Variants in AK5 observed in about 807,000 individuals in gnomAD.
AK5 encodes the protein adenylate kinase isoenzyme 5.
A neutral mutation model predicts 69.5 loss-of-function variants in AK5; 27 were observed. That is an observed-to-expected ratio of 0.39 (90% CI 0.29 to 0.54). AK5 has a LOEUF of 0.54. Ranked by LOEUF, AK5 falls within the 20% of genes least tolerant of loss-of-function variation. AK5 has a pLI of 0.71. For missense variants in AK5, 531 were observed against 700.4 expected (o/e 0.76, Z 2.73); for synonymous variants, 260 against 244.4 (o/e 1.06, Z -0.60).
At chr1:77,393,533 G>A (rs1648625182) in intron 6 of AK5, among the ~76,000 whole-genome samples, 1 of 152,172 alleles carries the variant, frequency 6.6e-6, no homozygotes. Context: ...AGAAAGATAT[G>A]TAAGTCATTT....
At chr1:77,391,566 G>A (rs1648490677) in intron 6 of AK5, among the ~76,000 whole-genome samples, 1 of 144,048 alleles carries the variant, frequency 6.9e-6, no homozygotes, top group African/African-American at 2.6e-5. Context: ...TCCATCCCAA[G>A]TGTTCAATTA....
intron 6 of AK5, among the ~76,000 whole-genome samples, chr1:77,345,194 A>G (rs1661853014): frequency 6.6e-6 from 1 of 152,206 alleles, no homozygotes; most frequent in African/African-American, 2.4e-5. Flanking sequence ...TAGACTGTGA[A>G]GTAAACAAAT....
At position 77,473,790 on chromosome 1, in the gene AK5, G is replaced by A. The variant is rs1654668374; in HGVS notation, c.1060-9527G>A. On this transcript the variant is annotated intron_variant, in intron 8 of 13. Coordinates refer to ENST00000354567, the MANE Select transcript of AK5 (RefSeq NM_174858.3). ...ACGAATTCTGCACATATGTAGTTAA[G>A]TAGCAATACAATTAAATGAGATCAT... Among the ~76,000 whole-genome samples the A allele has an allele frequency of 2.0e-5, 3 of 152,176 alleles. No homozygotes were observed. The South Asian group carries it at 6.2e-4, about 31-fold the overall frequency.
intron 6 of AK5, among the ~76,000 whole-genome samples, chr1:77,374,448 G>A (rs1202994173): frequency 7.1e-6 from 1 of 141,254 alleles, no homozygotes; most frequent in African/African-American, 2.6e-5. Flanking sequence ...AGAACCAAGA[G>A]AAGGAAGCCC....
intron 2 of AK5, among the ~76,000 whole-genome samples, chr1:77,291,806 A>G (rs916986486): frequency 2.6e-5 from 4 of 152,218 alleles, no homozygotes; most frequent in Non-Finnish European, 1.5e-5. Flanking sequence ...GAATGAATGG[A>G]TAAATGAAAA....
At chr1:77,467,204 G>A (rs2100687807) in intron 8 of AK5, among the ~76,000 whole-genome samples, 1 of 152,302 alleles carries the variant, frequency 6.6e-6, no homozygotes, top group South Asian at 2.1e-4. Flanking sequence ...CAAGGTATCA[G>A]CTCTCTTACA....
At chr1:77,370,507 C>G (rs1647100702) in intron 6 of AK5, among the ~76,000 whole-genome samples, 2 of 151,680 alleles carry the variant, frequency 1.3e-5, no homozygotes. Context: ...AGATAATCCA[C>G]CACATTTTAA....
In AK5 at chr1:77,375,075, T is replaced by C. The variant is rs71658794; in HGVS notation, c.891+34507T>C. On this transcript the variant is annotated intron_variant, in intron 6 of 13. Coordinates refer to ENST00000354567, the MANE Select transcript of AK5 (RefSeq NM_174858.3). ...TCTCATTTAGTCCTCTCAATAACGC[T>C]GTACTATAGGGTATTATTAGTTTCA... 2.1e-3 allele frequency among the ~76,000 whole-genome samples: 318 copies of C among 152,322 alleles called. 1 individual carries two copies. The highest frequency in any genetic ancestry group is 7.2e-3 in the African/African-American group (298 of 41,558).
chr1:77,475,189 ATATATATG>A (rs746018906), intron 8 of AK5, among the ~76,000 whole-genome samples: 498 of 12,938 alleles, frequency 0.038, 5 homozygotes, highest in South Asian at 0.17. Flanking sequence ...ATATATATAT[ATATATATG>A]TGTGTGTGTG....
chr1:77,317,979 A>C (rs1220424837), intron 5 of AK5, among the ~76,000 whole-genome samples: 1 of 152,240 alleles, frequency 6.6e-6, no homozygotes, highest in African/African-American at 2.4e-5. Context: ...AAAGATTCTC[A>C]GCCATAGCAT....
At chr1:77,429,288 G>A (rs1026288111) in intron 8 of AK5, among the ~76,000 whole-genome samples, 7 of 152,044 alleles carry the variant, frequency 4.6e-5, no homozygotes, top group African/African-American at 7.2e-5. Context: ...TTTAATGATC[G>A]CCATTCTAAC....
intron 8 of AK5, among the ~76,000 whole-genome samples, chr1:77,466,499 C>T (rs1570188477): frequency 1.3e-5 from 2 of 152,290 alleles, no homozygotes; most frequent in South Asian, 2.1e-4. Context: ...GGACAGATCA[C>T]GCCCTCAAAG....
chr1:77,458,732 G>A (rs926655807), intron 8 of AK5, among the ~76,000 whole-genome samples: 1 of 152,180 alleles, frequency 6.6e-6, no homozygotes, highest in Non-Finnish European at 1.5e-5. Flanking sequence ...TCTCCCACCA[G>A]GTCCCACCAT....
At chr1:77,538,647 C>CA (rs1302018344) in intron 13 of AK5, among the ~76,000 whole-genome samples, 2 of 149,492 alleles carry the variant, frequency 1.3e-5, no homozygotes, top group Non-Finnish European at 3.0e-5. Context: ...GTCCCTGTCT[C>CA]AAAAAATAAA....
intron 10 of AK5, among the ~76,000 whole-genome samples, chr1:77,505,863 C>G (rs968305717): frequency 6.6e-6 from 1 of 151,926 alleles, no homozygotes; most frequent in Admixed American, 6.6e-5. Context: ...GATCGGCAGC[C>G]TGGGCAACAG....
chr1:77,462,895 T>C (rs1653927044), intron 8 of AK5, among the ~76,000 whole-genome samples: 1 of 152,188 alleles, frequency 6.6e-6, no homozygotes, highest in South Asian at 2.1e-4. Flanking sequence ...CAATTCTTCA[T>C]AAAGTGGAAG....
At chr1:77,344,709 A>G (rs373994692) in intron 6 of AK5, among the ~76,000 whole-genome samples, 6 of 151,988 alleles carry the variant, frequency 3.9e-5, no homozygotes, top group African/African-American at 1.4e-4. Flanking sequence ...CTTCATTTCA[A>G]TCAGTCTCAC....
At chr1:77,478,242 CT>C (rs1655063692) in intron 8 of AK5, among the ~76,000 whole-genome samples, 1 of 152,178 alleles carries the variant, frequency 6.6e-6, no homozygotes, top group Non-Finnish European at 1.5e-5. Context: ...ATGTCAGCTT[CT>C]TATGATGAGG....
At chr1:77,398,300 G>A (rs1183103603) in intron 6 of AK5, among the ~76,000 whole-genome samples, 2 of 152,086 alleles carry the variant, frequency 1.3e-5, no homozygotes, top group Non-Finnish European at 2.9e-5. Flanking sequence ...CAGGCTTTCA[G>A]GGTACCACTT....
Sources: allele counts gnomAD v4.1 joint callset (sites outside exome capture counted in the v4.1 genomes callset), GRCh38; gene constraint gnomAD v4.1.1; transcripts MANE v1.5; gene names NCBI Gene and HGNC (gene_info 2026-07-23, HGNC 2026-07-21).